The following KIAA0513 variants were observed in gnomAD, a reference collection of about 807,000 sequenced individuals.
KIAA0513 encodes uncharacterized protein KIAA0513.
KIAA0513 carries 39 observed loss-of-function variants against 56.5 expected under a neutral mutation model. That is an observed-to-expected ratio of 0.69 (90% CI 0.53 to 0.90). The LOEUF is 0.90. Ranked by LOEUF, KIAA0513 falls within the 40% of genes least tolerant of loss-of-function variation. The pLI is 0.00. For synonymous variants in KIAA0513, 268 were observed against 215.6 expected (o/e 1.24, Z -2.13); for missense variants, 591 against 535.2 (o/e 1.10, Z -1.03).
chr16:85,056,130 G>A (rs1325584434), intron 1 of KIAA0513, among the ~76,000 whole-genome samples: 2 of 152,352 alleles, frequency 1.3e-5, no homozygotes, highest in East Asian at 1.9e-4. Context: ...GTGCCAGCAG[G>A]CACCTTGAAC....
chr16:85,030,793 A>C (rs1479840382), intron 1 of KIAA0513, among the ~76,000 whole-genome samples: 2 of 151,948 alleles, frequency 1.3e-5, no homozygotes, highest in African/African-American at 4.8e-5. Flanking sequence ...TCATGAGGGA[A>C]GGACAAGTTT....
chr16:85,086,393 A>G (rs527553681), intron 10 of KIAA0513, among the ~76,000 whole-genome samples: 1 of 152,358 alleles, frequency 6.6e-6, no homozygotes, highest in African/African-American at 2.4e-5. Flanking sequence ...CATAAAGAGC[A>G]CTTTCATTTC....
intron 4 of KIAA0513, among the ~76,000 whole-genome samples, chr16:85,075,630 C>A (rs72805476): frequency 6.6e-6 from 1 of 152,302 alleles, no homozygotes; most frequent in East Asian, 1.9e-4. Flanking sequence ...GCCGGGCAGG[C>A]AGACCACAAA....
At chr16:85,049,969 C>T (rs777346351) in intron 1 of KIAA0513, among the ~76,000 whole-genome samples, 3 of 152,156 alleles carry the variant, frequency 2.0e-5, no homozygotes, top group Admixed American at 6.6e-5. Context: ...GGTCTCTGTC[C>T]GAGTTGAATT....
intron 6 of KIAA0513, 32 bp downstream of exon 6, chr16:85,077,664 C>A: frequency 6.5e-7 from 1 of 1,531,262 alleles, no homozygotes; most frequent in Non-Finnish European, 8.9e-7. Context: ...CTCCCACCTG[C>A]AGGGGACTGG....
chr16:85,030,776 G>A (rs555665518), intron 1 of KIAA0513, among the ~76,000 whole-genome samples: 1 of 151,706 alleles, frequency 6.6e-6, no homozygotes, highest in Non-Finnish European at 1.5e-5. Flanking sequence ...ATAAAGGCAT[G>A]GTGTTCTCAT....
Position 85,072,937 on chromosome 16 carries a change from A to C in KIAA0513, c.442A>C (p.Lys148Gln). 1 of 1,614,180 alleles carries C rather than the reference A, an allele frequency of 6.2e-7. No individual in the cohort carries two copies. The highest frequency in any genetic ancestry group is 2.2e-5 in the East Asian group (1 of 44,884). Reference protein sequence around the residue: ...RYVSAQRCNSKCVSEATFYRL... With the variant: ...RYVSAQRCNSQCVSEATFYRL... ...TCTTTCTGGACAGCGCTGCAACTCC[A>C]AGTGTGTCTCAGAGGCAACCTTCTA... The change falls in exon 4 of 13, where the codon AAG (lysine) becomes CAG (glutamine). Residue 148 changes from lysine (K) to glutamine (Q), a missense_variant. Transcript: ENST00000683363.
Position 85,081,455 on chromosome 16 carries a change from C to A in KIAA0513, c.980+63C>A. The stretch of plus-strand genomic sequence containing the variant: ...AAGGACCAGGGAGTGGCTTTATTTC[C>A]CGGTTTCGGAAGAGGAGAGCAGAAG... On this transcript the variant is annotated intron_variant, in intron 9 of 12. Coordinates refer to ENST00000683363, the MANE Select transcript of KIAA0513 (RefSeq NM_001388359.1). This position sits in a 1 kb window ranked among gnomAD's most constrained non-coding sequence, Gnocchi z 4.4. The A allele has an allele frequency of 7.1e-7, 1 of 1,412,414 alleles. No individual in the cohort carries two copies. Among genetic ancestry groups the A allele is most frequent in the Non-Finnish European group, 9.8e-7 (1 of 1,020,590 alleles). The allele number at this position is 1,412,414 out of a possible 1,614,324, so 87.5% of individuals were successfully genotyped here.
chr16:85,035,198 G>T (rs2073018851), intron 1 of KIAA0513, among the ~76,000 whole-genome samples: 1 of 152,226 alleles, frequency 6.6e-6, no homozygotes. Context: ...GCAGGCACTT[G>T]TCTCTTGCCC....
rs368558399 is a variant in KIAA0513, at chr16:85,088,348, G to A, written c.*23G>A. On this transcript the variant is annotated 3_prime_UTR_variant, in exon 13 of 13. Coordinates refer to ENST00000683363, the MANE Select transcript of KIAA0513 (RefSeq NM_001388359.1). ...TAGGCCCCAGAGGTCGCACTCCGCAGGAGGACTGAGGCCATGTGCCATTCT... is the reference window on the plus strand; with the variant it reads ...TAGGCCCCAGAGGTCGCACTCCGCAAGAGGACTGAGGCCATGTGCCATTCT... 4.4e-6 allele frequency: 7 copies of A among 1,602,012 alleles called. No individual in the cohort carries two copies. The African/African-American group carries it at 8.0e-5, about 18-fold the overall frequency.
At chr16:85,058,717 T>A (rs2143964637) in intron 1 of KIAA0513, among the ~76,000 whole-genome samples, 1 of 152,070 alleles carries the variant, frequency 6.6e-6, no homozygotes, top group East Asian at 1.9e-4. Flanking sequence ...GAAATGCTGA[T>A]TTCAACATCT....
rs77194808 is a variant in KIAA0513 at position 85,040,909 on chromosome 16, G to A, written c.-173+13051G>A. Among the ~76,000 whole-genome samples the A allele has an allele frequency of 3.1e-3, 478 of 152,260 alleles. 1 individual carries two copies. The highest frequency in any genetic ancestry group is 0.011 in the African/African-American group (457 of 41,548). ...TAGATACGCTTGAAGCAAAACAGCC[G>A]CAGAAACCTCTTTCTTTTCGCTCAC... On this transcript the variant is annotated intron_variant, in intron 1 of 12. Transcript: ENST00000683363.
chr16:85,068,530 C>T (rs1480976429), intron 2 of KIAA0513, among the ~76,000 whole-genome samples: 1 of 151,928 alleles, frequency 6.6e-6, no homozygotes, highest in Non-Finnish European at 1.5e-5. Flanking sequence ...GACGGGGTTT[C>T]ACCATGTTAG....
intron 10 of KIAA0513, among the ~76,000 whole-genome samples, chr16:85,083,449 G>A (rs1017678330): frequency 2.0e-5 from 3 of 152,120 alleles, no homozygotes; most frequent in Non-Finnish European, 4.4e-5. Flanking sequence ...GAGGACTTAG[G>A]CCTAACAAAC....
chr16:85,057,091 C>T (rs1020535166), intron 1 of KIAA0513, among the ~76,000 whole-genome samples: 3 of 152,176 alleles, frequency 2.0e-5, no homozygotes, highest in African/African-American at 7.2e-5. Context: ...GTGCCCTGTA[C>T]ATAGCACCTC....
At chr16:85,085,972 G>T (rs1408676490) in intron 10 of KIAA0513, among the ~76,000 whole-genome samples, 1 of 152,170 alleles carries the variant, frequency 6.6e-6, no homozygotes, top group Non-Finnish European at 1.5e-5. Context: ...AAGCGTGGGG[G>T]CCTGGTCTGT....
chr16:85,057,757 C>CTTTTTTT (rs1460366309), intron 1 of KIAA0513, among the ~76,000 whole-genome samples: 3 of 147,868 alleles, frequency 2.0e-5, no homozygotes, highest in Admixed American at 6.6e-5. Flanking sequence ...GCTGCCTCTG[C>CTTTTTTT]TTTTTGTTTT....
At chr16:85,075,381 A>G (rs1294219460) in intron 4 of KIAA0513, among the ~76,000 whole-genome samples, 1 of 152,238 alleles carries the variant, frequency 6.6e-6, no homozygotes, top group East Asian at 1.9e-4. Context: ...CTGTTGAATC[A>G]GAGGCTCCAC....
chr16:85,048,338 G>C (rs1489011410), intron 1 of KIAA0513, among the ~76,000 whole-genome samples: 1 of 152,200 alleles, frequency 6.6e-6, no homozygotes, highest in African/African-American at 2.4e-5. Flanking sequence ...GAAAGGTATC[G>C]ATGGAGACAT....
Sources: gnomAD v4.1 joint callset for allele counts (sites outside exome capture counted in the v4.1 genomes callset) on GRCh38, gnomAD v4.1.1 for gene constraint, Gnocchi (gnomAD v3.1) non-coding constraint, MANE v1.5 for transcripts, NCBI Gene and HGNC (gene_info 2026-07-23, HGNC 2026-07-21) for gene names.